The following COL18A1 variants were observed in gnomAD, a reference collection of about 807,000 sequenced individuals.
COL18A1 encodes the protein collagen type XVIII alpha 1 chain, also known as collagen alpha-1(XVIII) chain.
COL18A1 carries 133 observed loss-of-function variants against 168.0 expected under a neutral mutation model. That is an observed-to-expected ratio of 0.79 (90% CI 0.69 to 0.91). COL18A1 has a LOEUF of 0.91. Among genes scored for constraint, COL18A1 ranks in the 40% least tolerant of loss-of-function variants. The pLI is 0.00. For missense variants in COL18A1, 2,126 were observed against 1,925.4 expected (o/e 1.10, Z -1.95); for synonymous variants, 949 against 809.0 (o/e 1.17, Z -2.94).
At chr21:45,447,238 T>C (rs952292980) in intron 2 of COL18A1, among the ~76,000 whole-genome samples, 2 of 151,364 alleles carry the variant, frequency 1.3e-5, no homozygotes, top group Admixed American at 6.6e-5. Flanking sequence ...ATATATCATA[T>C]GTATATTTAA....
rs528696974 is a variant in COL18A1, at chr21:45,505,937, C to A, written c.3187C>A (p.Arg1063Ser). 2 of 1,613,112 alleles carry A rather than the reference C, an allele frequency of 1.2e-6. No homozygotes were observed. The highest frequency in any genetic ancestry group is 1.3e-5 in the African/African-American group (1 of 74,930). Residue 1063 changes from arginine to serine, a missense_variant, in exon 37 of 42, where the codon CGC becomes AGC. Coordinates refer to ENST00000651438, the MANE Select transcript of COL18A1 (RefSeq NM_001379500.1). ...FVAEQEELYV[R>S]VQNGFRKVQL... ...GGCCGAGCAGGAGGAGCTCTACGTC[C>A]GCGTGCAGAACGGGTTCCGGAAGGT...
intron 2 of COL18A1, among the ~76,000 whole-genome samples, chr21:45,411,988 G>T (rs928892621): frequency 1.3e-5 from 2 of 152,134 alleles, no homozygotes; most frequent in African/African-American, 4.8e-5. Context: ...CTAAGGGGCC[G>T]TCGTGTTTCT....
At chr21:45,506,397 C>T in intron 37 of COL18A1, 1 of 329,652 alleles carries the variant, frequency 3.0e-6, no homozygotes, top group East Asian at 8.0e-5. Context: ...TTATAAACAC[C>T]AAGGTGGGAT....
At chr21:45,413,601 GT>G (rs974605721) in intron 2 of COL18A1, among the ~76,000 whole-genome samples, 2 of 152,348 alleles carry the variant, frequency 1.3e-5, no homozygotes, top group Middle Eastern at 3.4e-3. Context: ...CTGAGGAGGA[GT>G]TCAGAGAACA....
At chr21:45,506,752 T>TCCCACCTTCCTTCTAGCATG (rs373283750) in intron 37 of COL18A1, 927 of 28,880 alleles carry the variant, frequency 0.032, 9 homozygotes, top group African/African-American at 0.17. Context: ...TCTAGAGCCC[T>TCCCACCTTCCTTCTAGCATG]CCCACCTTCC....
chr21:45,446,756 T>A (rs2034513302), intron 2 of COL18A1, among the ~76,000 whole-genome samples: 1 of 152,162 alleles, frequency 6.6e-6, no homozygotes, highest in South Asian at 2.1e-4. Context: ...AAATCCTTGG[T>A]AGACTACTAG....
rs563486566 is a variant in COL18A1 at position 45,456,733 on chromosome 21, G to A, written c.107-11509G>A. ...TGGTCCCCCCATGCGGCAGCGTCCC[G>A]CCGCCCGCCCCGCCACCCTGCTGCC... On this transcript the variant is annotated intron_variant, in intron 2 of 41. Transcript: ENST00000651438. 647 of 1,515,810 alleles carry A rather than the reference G, an allele frequency of 4.3e-4. 1 individual carries two copies. In the African/African-American group the frequency reaches 7.5e-3, roughly 18 times the overall value. 93.9% of individuals were successfully genotyped at this position (1,515,810 alleles called of 1,614,324 possible). A position where few individuals can be genotyped will look rare whatever the true frequency, so the allele number is the denominator to read the frequency against.
At chr21:45,506,643 G>T (rs921328295) in intron 37 of COL18A1, 1 of 171,030 alleles carries the variant, frequency 5.8e-6, no homozygotes, top group Non-Finnish European at 1.3e-5. Flanking sequence ...CCGCCGAAAC[G>T]GCCTGTGACA....
At chr21:45,478,378 C>T in intron 9 of COL18A1, 25 bp downstream of exon 9, 1 of 1,614,136 alleles carries the variant, frequency 6.2e-7, no homozygotes, top group Non-Finnish European at 8.5e-7. Context: ...CTTTCTGACC[C>T]CTGTGTTATC....
At position 45,438,098 on chromosome 21, in the gene COL18A1, ACACT is replaced by A. The variant is rs551028911; in HGVS notation, c.107-30140_107-30137del. 3.1e-3 allele frequency among the ~76,000 whole-genome samples: 375 copies of A among 119,584 alleles called. 12 individuals carry two copies. Among genetic ancestry groups the A allele is most frequent in the Non-Finnish European group, 5.1e-3 (301 of 58,742 alleles). The allele number at this position is 119,584 out of a possible 152,430, so 78.5% of individuals were successfully genotyped here. A position where few individuals can be genotyped will look rare whatever the true frequency, so the allele number is the denominator to read the frequency against. On this transcript the variant is annotated intron_variant, in intron 2 of 41. Transcript: ENST00000651438. ...GACAAGCACTCTCCTGCACACACTC[ACACT>A]CACACTCAGACACACAGGCACTCTC...
chr21:45,491,476 C>G (rs74612549), intron 22 of COL18A1, among the ~76,000 whole-genome samples, 162 bp downstream of exon 22: 1 of 151,510 alleles, frequency 6.6e-6, no homozygotes, highest in South Asian at 2.1e-4. Context: ...CAGACGCCCT[C>G]GGTCAGAGAC....
chr21:45,466,259 C>T (rs867878100), intron 2 of COL18A1, among the ~76,000 whole-genome samples: 6 of 152,266 alleles, frequency 3.9e-5, no homozygotes, highest in Admixed American at 1.3e-4. Flanking sequence ...TGCTCTCCTG[C>T]GGGGAGGATG....
chr21:45,431,676 A>G (rs2033967669), intron 2 of COL18A1, among the ~76,000 whole-genome samples: 1 of 151,650 alleles, frequency 6.6e-6, no homozygotes, highest in African/African-American at 2.4e-5. Flanking sequence ...GATGTTCTGG[A>G]GGGCCCAGCA....
chr21:45,480,821 C>G lies in COL18A1; in HGVS notation c.1574C>G (p.Pro525Arg), dbSNP rs1568909375. 6.2e-7 allele frequency: 1 copy of G among 1,612,000 alleles called. No individual in the cohort carries two copies. The highest frequency in any genetic ancestry group is 2.2e-5 in the East Asian group (1 of 44,838). Reference sequence around the variant, plus strand: ...GGACCCGCCGGCCTTCCTGGTGTGCCTGGGCGCGAGGGTCCCCCCGGGTTT... The same window carrying G: ...GGACCCGCCGGCCTTCCTGGTGTGCGTGGGCGCGAGGGTCCCCCCGGGTTT... Reference protein sequence around the residue: ...VPGPAGLPGVPGREGPPGFPG... With the variant: ...VPGPAGLPGVRGREGPPGFPG... The change falls in exon 13 of 42, where the codon CCT becomes CGT. Residue 525 changes from proline (P) to arginine (R), a missense_variant. Physicochemically the swap from Pro to Arg is moderately radical, Grantham distance 103 (BLOSUM62 -2). Coordinates refer to ENST00000651438, the MANE Select transcript of COL18A1 (RefSeq NM_001379500.1).
In COL18A1 at chr21:45,471,497, C is replaced by G. The variant is rs933291983; in HGVS notation, c.652-2398C>G. 6.6e-6 allele frequency among the ~76,000 whole-genome samples: 1 copy of G among 152,224 alleles called. No individual in the cohort carries two copies. Among genetic ancestry groups the G allele is most frequent in the Non-Finnish European group, 1.5e-5 (1 of 68,036 alleles). On this transcript the variant is annotated intron_variant, in intron 3 of 41. Transcript: ENST00000651438. This position sits in a 1 kb window ranked among gnomAD's most constrained non-coding sequence, Gnocchi z 4.4. ...CCTCCTCCTCAGCCTCTCCACAAGA[C>G]TGCATCGACCCTGGCGCTGCCACAG...
rs748939420 is a variant in COL18A1, at chr21:45,498,558, G to A, written c.2683+897G>A. 2 of 716,804 alleles carry A rather than the reference G, an allele frequency of 2.8e-6. No individual in the cohort carries two copies. The highest frequency in any genetic ancestry group is 5.2e-6 in the Non-Finnish European group (2 of 384,990). 44.4% of individuals were successfully genotyped at this position (716,804 alleles called of 1,614,324 possible). The stretch of plus-strand genomic sequence containing the variant: ...GCTCTTGCTGGGGCTGCACTCTGGG[G>A]TGGGAAGGGACCAGGCAGGCAGAGG... On this transcript the variant is annotated intron_variant, in intron 32 of 41. Coordinates refer to ENST00000651438, the MANE Select transcript of COL18A1 (RefSeq NM_001379500.1). The surrounding 1 kb of genome is among the most constrained non-coding windows in gnomAD (Gnocchi z 4.5).
chr21:45,413,121 G>A (rs1298963913), intron 2 of COL18A1, among the ~76,000 whole-genome samples: 1 of 152,218 alleles, frequency 6.6e-6, no homozygotes, highest in Non-Finnish European at 1.5e-5. Context: ...GGCTCTAGGG[G>A]GGACGCCACA....
At chr21:45,415,813 C>T (rs1355743892) in intron 2 of COL18A1, among the ~76,000 whole-genome samples, 2 of 152,242 alleles carry the variant, frequency 1.3e-5, no homozygotes, top group Non-Finnish European at 2.9e-5. Flanking sequence ...CCAGGTGGTG[C>T]TCACGCAGCC....
rs544733784 is a variant in COL18A1 at position 45,423,323 on chromosome 21, C to T, written c.106+17850C>T. On this transcript the variant is annotated intron_variant, in intron 2 of 41. Coordinates refer to ENST00000651438, the MANE Select transcript of COL18A1 (RefSeq NM_001379500.1). The surrounding 1 kb of genome is among the most constrained non-coding windows in gnomAD (Gnocchi z 4.0). ...GCTGGTCCACTTCCTGAGCGTTGGCCAGCTGCCCTTGCTGTGCTGGGGTAC... is the reference window on the plus strand; with the variant it reads ...GCTGGTCCACTTCCTGAGCGTTGGCTAGCTGCCCTTGCTGTGCTGGGGTAC... Among the ~76,000 whole-genome samples, 221 of 152,332 alleles carry T rather than the reference C, an allele frequency of 1.5e-3. No homozygotes were observed. Among genetic ancestry groups the T allele is most frequent in the African/African-American group, 5.1e-3 (210 of 41,574 alleles).
Sources: gnomAD v4.1 joint callset for allele counts (sites outside exome capture counted in the v4.1 genomes callset) on GRCh38, gnomAD v4.1.1 for gene constraint, Gnocchi (gnomAD v3.1) non-coding constraint, MANE v1.5 for transcripts, NCBI Gene and HGNC (gene_info 2026-07-23, HGNC 2026-07-21) for gene names.